FRMPD3: variants seen among roughly 807,000 people sequenced by gnomAD.
The protein encoded by FRMPD3 is FERM and PDZ domain-containing protein 3.
In FRMPD3, 42 loss-of-function variants were observed where a neutral mutation model predicts 97.9. That is an observed-to-expected ratio of 0.43 (90% confidence interval 0.34 to 0.55). The LOEUF (loss-of-function observed/expected upper bound fraction) is 0.55. FRMPD3 is among the 20% of genes least tolerant of loss of function. The pLI, the probability that FRMPD3 is intolerant of heterozygous loss-of-function variation, is 0.03. For synonymous variants in FRMPD3, 577 were observed against 581.1 expected (o/e 0.99, Z 0.10); for missense variants, 1,303 against 1,457.7 (o/e 0.89, Z 1.73).
chrX:107,468,207 C>A (rs921641047), intron 1 of FRMPD3, among the ~76,000 whole-genome samples: 1 of 111,936 alleles, frequency 8.9e-6, no homozygotes, highest in East Asian at 2.8e-4. Context: ...TTTTACTCCC[C>A]GAAGTATGGT....
chrX:107,544,867 A>G (rs1478357867), intron 4 of FRMPD3: 1 of 111,680 alleles, frequency 9.0e-6, no homozygotes, highest in Non-Finnish European at 1.9e-5. Context: ...GGATCACCTA[A>G]GGTCAGGAGT....
intron 13 of FRMPD3, among the ~76,000 whole-genome samples, chrX:107,589,389 G>A (rs765927006): frequency 3.6e-5 from 4 of 110,688 alleles, no homozygotes; most frequent in Non-Finnish European, 7.6e-5. Flanking sequence ...TTCACGTCAG[G>A]CCCTATTCAT....
At chrX:107,569,944 A>G (rs1922801136) in intron 12 of FRMPD3, among the ~76,000 whole-genome samples, 1 of 109,142 alleles carries the variant, frequency 9.2e-6, no homozygotes, top group African/African-American at 3.4e-5. Flanking sequence ...GGAGCCTAGG[A>G]GGCAGAGGTT....
chrX:107,516,180 C>T (rs1369660941), intron 1 of FRMPD3, among the ~76,000 whole-genome samples: 1 of 109,637 alleles, frequency 9.1e-6, no homozygotes, highest in Non-Finnish European at 1.9e-5. Context: ...CCAGCTTCAT[C>T]CATGTCCCTA....
At position 107,601,718 on chromosome X, in the gene FRMPD3, C is replaced by T. The variant is rs754874618; in HGVS notation, c.3679C>T (p.Arg1227Cys). 1.1e-4 allele frequency: 133 copies of T among 1,209,891 alleles called. 1 individual carries two copies. Among genetic ancestry groups the T allele is most frequent in the Non-Finnish European group, 1.3e-4 (119 of 895,281 alleles). ...TTTATTCTCTGCCACCTTCCCAACC[C>T]GCCAGAAGAAGGAGACAGATGAGCG... is the stretch of plus-strand genomic sequence containing the variant. Reference protein sequence around the residue: ...RNLFSATFPTRQKKETDERQA... With the variant: ...RNLFSATFPTCQKKETDERQA... Residue 1227 changes from arginine (R) to cysteine (C), a missense_variant, in exon 15 of 15, where the codon CGC becomes TGC. By Grantham distance (180) the Arg-to-Cys change is radical. Transcript: ENST00000683843.
intron 1 of FRMPD3, among the ~76,000 whole-genome samples, chrX:107,524,995 CAAAAAAA>C (rs750900204): frequency 3.0e-3 from 41 of 13,743 alleles, no homozygotes; most frequent in Admixed American, 0.01. Context: ...GACTCCATCT[CAAAAAAA>C]AAAAAAAAAA....
chrX:107,477,548 G>T (rs1190050957), intron 1 of FRMPD3, among the ~76,000 whole-genome samples: 1 of 112,849 alleles, frequency 8.9e-6, no homozygotes, highest in African/African-American at 3.2e-5. Flanking sequence ...CTCCCGGCTA[G>T]CATCTGAGCC....
intron 13 of FRMPD3, among the ~76,000 whole-genome samples, chrX:107,593,667 T>A (rs1224839297): frequency 2.7e-5 from 3 of 111,725 alleles, no homozygotes; most frequent in Admixed American, 9.5e-5. Flanking sequence ...TTCCCCACTT[T>A]ATGTTTTTGT....
intron 1 of FRMPD3, among the ~76,000 whole-genome samples, chrX:107,521,232 T>G (rs1259145176): frequency 8.9e-6 from 1 of 112,626 alleles, no homozygotes; most frequent in Non-Finnish European, 1.9e-5. Context: ...CATTTATGTT[T>G]TAACCCAGGC....
chrX:107,456,571 G>A lies in FRMPD3; in HGVS notation c.-8+6566G>A, dbSNP rs192940170. Among the ~76,000 whole-genome samples, 15 of 112,049 alleles carry A rather than the reference G, an allele frequency of 1.3e-4. 1 individual carries two copies. The highest frequency in any genetic ancestry group is 4.9e-4 in the African/African-American group (15 of 30,862). On this transcript the variant is annotated intron_variant, in intron 1 of 14. Coordinates refer to ENST00000683843, the MANE Select transcript of FRMPD3 (RefSeq NM_001388459.1). ...AGAACTGCTAATACACCTAACAAAAGTAACAATAATGCCTTTGTATTATCC... is the reference window on the plus strand; with the variant it reads ...AGAACTGCTAATACACCTAACAAAAATAACAATAATGCCTTTGTATTATCC...
intron 1 of FRMPD3, among the ~76,000 whole-genome samples, chrX:107,471,048 G>A (rs769620744): frequency 8.9e-6 from 1 of 112,642 alleles, no homozygotes; most frequent in Non-Finnish European, 1.9e-5. Flanking sequence ...AAGCTAGGAT[G>A]AGGCCCAGGA....
Position 107,602,883 on chromosome X carries a change from G to A in FRMPD3, c.4844G>A (p.Arg1615His), listed in dbSNP as rs756070683. ...CAGTGTGTGGCCAGCCCCGAGGCCC[G>A]TGCCCCCAAGCCCTATGTGTCTCAG... ...LRQCVASPEA[R>H]APKPYVSQIS... is the part of the protein sequence containing the mutation. The change falls in exon 15 of 15, where the codon CGT becomes CAT. Residue 1615 changes from arginine to histidine, a missense_variant. Arg to His is a conservative substitution (Grantham distance 29). Coordinates refer to ENST00000683843, the MANE Select transcript of FRMPD3 (RefSeq NM_001388459.1). 5.0e-5 allele frequency: 60 copies of A among 1,209,714 alleles called. No homozygotes were observed. Among genetic ancestry groups the A allele is most frequent in the African/African-American group, 1.9e-4 (11 of 57,506 alleles).
intron 13 of FRMPD3, among the ~76,000 whole-genome samples, chrX:107,587,252 T>C (rs1334423331): frequency 1.8e-5 from 2 of 111,710 alleles, no homozygotes; most frequent in African/African-American, 6.5e-5. Context: ...GTCTATTTTG[T>C]CAGAGACTAG....
At chrX:107,540,837 A>T (rs759727429) in intron 4 of FRMPD3, among the ~76,000 whole-genome samples, 1 of 112,378 alleles carries the variant, frequency 8.9e-6, no homozygotes, top group African/African-American at 3.2e-5. Context: ...TAACTTTTAA[A>T]ATCTGGTGTG....
In FRMPD3 at chrX:107,490,881, C is replaced by A. The variant is rs755319291; in HGVS notation, c.-7-35701C>A. Reference sequence around the variant, plus strand: ...TCCTGAAACTTTCCTTCCTGGAGCTCTCTCAAGTTCTCAGATGCTGGATGA... The same window carrying A: ...TCCTGAAACTTTCCTTCCTGGAGCTATCTCAAGTTCTCAGATGCTGGATGA... On this transcript the variant is annotated intron_variant, in intron 1 of 14. Coordinates refer to ENST00000683843, the MANE Select transcript of FRMPD3 (RefSeq NM_001388459.1). Among the ~76,000 whole-genome samples, 4 of 111,991 alleles carry A rather than the reference C, an allele frequency of 3.6e-5. No individual in the cohort carries two copies. In the East Asian group the frequency reaches 1.1e-3, roughly 31 times the overall value.
chrX:107,481,567 A>G (rs1921372879), intron 1 of FRMPD3, among the ~76,000 whole-genome samples: 1 of 111,842 alleles, frequency 8.9e-6, no homozygotes. Context: ...AAATGCCACA[A>G]AGAAAATGAA....
At chrX:107,484,903 C>T (rs1305678556) in intron 1 of FRMPD3, among the ~76,000 whole-genome samples, 1 of 112,211 alleles carries the variant, frequency 8.9e-6, no homozygotes, top group Non-Finnish European at 1.9e-5. Flanking sequence ...TTCAGCATCA[C>T]CCTTCACCTC....
chrX:107,458,490 A>G (rs1189658054), intron 1 of FRMPD3, among the ~76,000 whole-genome samples: 4 of 111,596 alleles, frequency 3.6e-5, no homozygotes, highest in Middle Eastern at 4.6e-3. Context: ...TGTGAGATTG[A>G]GATTGTTGAC....
chrX:107,482,093 T>C (rs1009326345), intron 1 of FRMPD3, among the ~76,000 whole-genome samples: 1 of 110,336 alleles, frequency 9.1e-6, no homozygotes, highest in Non-Finnish European at 1.9e-5. Context: ...AGCTGAGAGG[T>C]TTTTTTGTTT....
Sources: gnomAD v4.1 joint callset for allele counts (sites outside exome capture counted in the v4.1 genomes callset) on GRCh38, gnomAD v4.1.1 for gene constraint, MANE v1.5 for transcripts, NCBI Gene and HGNC (gene_info 2026-07-23, HGNC 2026-07-21) for gene names.